The following PSG2 variants were observed in gnomAD, a reference collection of about 807,000 sequenced individuals.
PSG2 encodes pregnancy specific beta-1-glycoprotein 2.
A neutral mutation model predicts 36.2 loss-of-function variants in PSG2; 49 were observed. That is an observed-to-expected ratio of 1.35 (90% CI 1.08 to 1.72). The LOEUF (loss-of-function observed/expected upper bound fraction) is 1.72, where lower values mean the gene tolerates loss of function less well. Ranked by LOEUF, PSG2 falls within the 40% of genes most tolerant of loss-of-function variation. PSG2 has a pLI of 0.00. For synonymous variants in PSG2, 261 were observed against 155.6 expected, an observed-to-expected ratio of 1.68 and a Z score of -5.04; for missense variants, 605 against 407.2, an observed-to-expected ratio of 1.49 and a Z score of -4.18.
chr19:43,067,232 C>A (rs1411966387), intron 4 of PSG2, among the ~76,000 whole-genome samples: 4 of 151,388 alleles, frequency 2.6e-5, no homozygotes, highest in Admixed American at 6.6e-5. Context: ...GCATAGTGGT[C>A]TGTGGGTTCT....
Position 43,072,583 on chromosome 19 carries a change from C to T in PSG2, c.710-629G>A. 3.5e-5 allele frequency: 57 copies of T among 1,611,368 alleles called. 3 individuals carry two copies. The highest frequency in any genetic ancestry group is 4.7e-5 in the Non-Finnish European group (56 of 1,179,636). ...TGAAGGCTAATACATCCTTATTCTC[C>T]CTGGGGTTTAAGTTGTTGATGGTGA... On this transcript the variant is annotated intron_variant, in intron 3 of 5. Transcript: ENST00000406487.
intron 3 of PSG2, among the ~76,000 whole-genome samples, chr19:43,073,612 G>A (rs1264696580): frequency 6.6e-6 from 1 of 151,586 alleles, no homozygotes; most frequent in East Asian, 1.9e-4. Flanking sequence ...ACTACTCTAG[G>A]GACCTCATGT....
intron 4 of PSG2, among the ~76,000 whole-genome samples, chr19:43,069,783 A>T (rs1337119807): frequency 6.6e-6 from 1 of 151,748 alleles, no homozygotes; most frequent in Admixed American, 6.6e-5. Flanking sequence ...GGATTTCACA[A>T]TGATTTCCTG....
At chr19:43,067,241 C>T (rs1423717660) in intron 4 of PSG2, among the ~76,000 whole-genome samples, 3 of 151,300 alleles carry the variant, frequency 2.0e-5, no homozygotes, top group African/African-American at 7.3e-5. Flanking sequence ...TCTGTGGGTT[C>T]TCCCATACTA....
chr19:43,072,543 T>A (rs1057135180), intron 3 of PSG2: 1 of 1,611,212 alleles, frequency 6.2e-7, no homozygotes, highest in African/African-American at 1.3e-5. Context: ...TAGCTCTCAC[T>A]CTTAGGTTCA....
At chr19:43,068,402 G>C (rs976268559) in intron 4 of PSG2, among the ~76,000 whole-genome samples, 2 of 148,948 alleles carry the variant, frequency 1.3e-5, no homozygotes, top group Non-Finnish European at 3.0e-5. Flanking sequence ...TCACACAACT[G>C]TATTCCATCC....
chr19:43,080,578 C>T (rs1967957408), intron 2 of PSG2, among the ~76,000 whole-genome samples: 1 of 151,668 alleles, frequency 6.6e-6, no homozygotes, highest in African/African-American at 2.4e-5. Context: ...GGGTCTTTCT[C>T]AGGGTCAAAT....
At chr19:43,074,482 A>G (rs1967863521) in intron 3 of PSG2, among the ~76,000 whole-genome samples, 1 of 151,616 alleles carries the variant, frequency 6.6e-6, no homozygotes, top group Non-Finnish European at 1.5e-5. Flanking sequence ...TCTTTCCTTA[A>G]TTTCCTTTCA....
chr19:43,072,164 T>C (rs1212052572), intron 3 of PSG2, among the ~76,000 whole-genome samples: 2 of 151,576 alleles, frequency 1.3e-5, no homozygotes, highest in Non-Finnish European at 2.9e-5. Flanking sequence ...GACAAGACCG[T>C]CCACTCCCCT....
intron 4 of PSG2, among the ~76,000 whole-genome samples, chr19:43,071,315 A>C (rs10424304): frequency 0.2 from 29,701 of 151,298 alleles, 5,250 homozygotes; most frequent in African/African-American, 0.45. Flanking sequence ...AAAGCCTCAG[A>C]TGTTCCTTGT....
intron 3 of PSG2, chr19:43,072,674 A>T: frequency 6.2e-7 from 1 of 1,602,338 alleles, no homozygotes; most frequent in Non-Finnish European, 8.5e-7. Context: ...GGCACTTTTG[A>T]TTCCTCCACA....
At chr19:43,072,007 C>T (rs1011998061) in intron 3 of PSG2, 53 bp from the exon 4 acceptor site, 40 of 1,588,274 alleles carry the variant, frequency 2.5e-5, no homozygotes, top group Admixed American at 3.4e-5. Flanking sequence ...GAAGGGGATG[C>T]TCCTGGTCTC....
At chr19:43,078,573 C>T (rs1967929053) in intron 2 of PSG2, among the ~76,000 whole-genome samples, 1 of 151,598 alleles carries the variant, frequency 6.6e-6, no homozygotes, top group South Asian at 2.1e-4. Context: ...GATTCCAGCA[C>T]AAACTGATCA....
At chr19:43,077,892 T>G (rs2122913820) in intron 2 of PSG2, among the ~76,000 whole-genome samples, 1 of 151,848 alleles carries the variant, frequency 6.6e-6, no homozygotes, top group Non-Finnish European at 1.5e-5. Flanking sequence ...TTTTACTTAG[T>G]GTTGGAACCG....
chr19:43,082,446 G>A, intron 1 of PSG2, 60 bp downstream of exon 1: 2 of 1,590,274 alleles, frequency 1.3e-6, no homozygotes, highest in South Asian at 1.1e-5. Context: ...CTCTCCAGGA[G>A]ACCCCATCCA....
At chr19:43,076,085 C>T (rs1231159891) in intron 2 of PSG2, among the ~76,000 whole-genome samples, 1 of 151,730 alleles carries the variant, frequency 6.6e-6, no homozygotes, top group Non-Finnish European at 1.5e-5. Context: ...GATGGAACTT[C>T]CCATTGTCTT....
Position 43,064,290 on chromosome 19 carries a change from GA to G in PSG2, c.*351del, listed in dbSNP as rs2122889493. The stretch of plus-strand genomic sequence containing the variant: ...CCCAATTCTGGGGCACTCAGATAGA[GA>G]GCAAAAGGAAATGTTTCAATTTTTG... On this transcript the variant is annotated 3_prime_UTR_variant, in exon 6 of 6. Transcript: ENST00000406487. 1 of 225,404 alleles carries G rather than the reference GA, an allele frequency of 4.4e-6. No individual in the cohort carries two copies. The highest frequency in any genetic ancestry group is 2.3e-5 in the African/African-American group (1 of 42,988). The allele number at this position is 225,404 out of a possible 1,614,324, so 14.0% of individuals were successfully genotyped here. A position where few individuals can be genotyped will look rare whatever the true frequency, so the allele number is the denominator to read the frequency against.
intron 4 of PSG2, 24 bp downstream of exon 4, chr19:43,071,676 C>A: frequency 6.2e-7 from 1 of 1,612,738 alleles, no homozygotes; most frequent in East Asian, 2.2e-5. Flanking sequence ...AACCCTACTG[C>A]CAAGGATGCT....
intron 3 of PSG2, chr19:43,072,609 T>C (rs1967835812): frequency 1.2e-6 from 2 of 1,611,584 alleles, no homozygotes; most frequent in Admixed American, 1.7e-5. Context: ...TTGATGGTGA[T>C]TTAGGGCTTG....
Sources: gnomAD v4.1 joint callset for allele counts (sites outside exome capture counted in the v4.1 genomes callset) on GRCh38, gnomAD v4.1.1 for gene constraint, MANE v1.5 for transcripts, NCBI Gene and HGNC (gene_info 2026-07-23, HGNC 2026-07-21) for gene names.